The following CPLX4 variants were observed in gnomAD, a reference collection of about 807,000 sequenced individuals.
The protein encoded by CPLX4 is complexin-4.
A neutral mutation model predicts 16.1 loss-of-function variants in CPLX4; 17 were observed. That is an observed-to-expected ratio of 1.06 (90% confidence interval 0.72 to 1.59). The LOEUF is 1.59. Ranked by LOEUF, CPLX4 falls within the 40% of genes most tolerant of loss-of-function variation. The pLI is 0.00. For missense variants in CPLX4, 193 were observed against 192.9 expected, an observed-to-expected ratio of 1.00 and a Z score of 0.00; for synonymous variants, 55 against 57.8, an observed-to-expected ratio of 0.95 and a Z score of 0.22.
intron 1 of CPLX4, among the ~76,000 whole-genome samples, chr18:59,313,288 TA>T (rs1286417125): frequency 6.6e-6 from 1 of 152,186 alleles, no homozygotes; most frequent in African/African-American, 2.4e-5. Flanking sequence ...GGATATAATA[TA>T]AACCTGTCTC....
chr18:59,302,301 G>A (rs780920019), intron 2 of CPLX4, among the ~76,000 whole-genome samples: 38 of 152,228 alleles, frequency 2.5e-4, no homozygotes, highest in Non-Finnish European at 3.4e-4. Context: ...AGGAAAAGAA[G>A]TAATGCCTCA....
chr18:59,306,065 A>G (rs1361217565), intron 2 of CPLX4, among the ~76,000 whole-genome samples: 1 of 152,254 alleles, frequency 6.6e-6, no homozygotes, highest in East Asian at 1.9e-4. Context: ...ATCTGGAAGA[A>G]GAAGGTTTCA....
At chr18:59,304,924 A>AGTGTGT (rs56041280) in intron 2 of CPLX4, among the ~76,000 whole-genome samples, 721 of 142,226 alleles carry the variant, frequency 5.1e-3, no homozygotes, top group African/African-American at 8.6e-3. Context: ...CTCAACAATC[A>AGTGTGT]GTGTGTGTGT....
chr18:59,309,102 G>A (rs2070598531), intron 2 of CPLX4, among the ~76,000 whole-genome samples: 2 of 152,176 alleles, frequency 1.3e-5, no homozygotes, highest in Non-Finnish European at 2.9e-5. Flanking sequence ...CAGAGTAGCC[G>A]ATTTTTCTTA....
intron 1 of CPLX4, among the ~76,000 whole-genome samples, chr18:59,313,785 G>A (rs1191167915): frequency 6.6e-6 from 1 of 152,204 alleles, no homozygotes; most frequent in African/African-American, 2.4e-5. Flanking sequence ...AAGCAGCCAT[G>A]CCCAGATAGA....
At chr18:59,301,680 G>A (rs2070542537) in intron 2 of CPLX4, among the ~76,000 whole-genome samples, 1 of 152,200 alleles carries the variant, frequency 6.6e-6, no homozygotes, top group African/African-American at 2.4e-5. Context: ...CCTAGAACTG[G>A]CTAAGTATTC....
At chr18:59,309,865 A>G (rs1436890088) in intron 2 of CPLX4, among the ~76,000 whole-genome samples, 2 of 151,800 alleles carry the variant, frequency 1.3e-5, no homozygotes, top group Admixed American at 6.6e-5. Context: ...AAGAGTAGAA[A>G]GAACAAATGC....
intron 1 of CPLX4, among the ~76,000 whole-genome samples, chr18:59,316,444 C>G (rs1187461859): frequency 2.0e-5 from 3 of 152,082 alleles, no homozygotes; most frequent in Admixed American, 1.3e-4. Flanking sequence ...ATATACTAAA[C>G]TGTTTGTAGC....
intron 1 of CPLX4, among the ~76,000 whole-genome samples, chr18:59,314,426 G>C (rs568507703): frequency 6.6e-6 from 1 of 152,064 alleles, no homozygotes; most frequent in East Asian, 1.9e-4. Context: ...GCAGAAATCA[G>C]TAACATTTCC....
At chr18:59,306,242 T>C (rs1325465173) in intron 2 of CPLX4, among the ~76,000 whole-genome samples, 1 of 152,226 alleles carries the variant, frequency 6.6e-6, no homozygotes, top group East Asian at 1.9e-4. Flanking sequence ...TAATTAGTGG[T>C]GTGCGATCCA....
chr18:59,300,845 C>T (rs1439932595), intron 2 of CPLX4, among the ~76,000 whole-genome samples: 1 of 152,080 alleles, frequency 6.6e-6, no homozygotes, highest in Admixed American at 6.5e-5. Flanking sequence ...CTCCTACCTT[C>T]ACCCAAAGGC....
chr18:59,313,729 C>G (rs961863928), intron 1 of CPLX4, among the ~76,000 whole-genome samples: 21 of 152,184 alleles, frequency 1.4e-4, no homozygotes, highest in African/African-American at 5.1e-4. Flanking sequence ...TAGCCATTGG[C>G]TGTCATTTTC....
At chr18:59,316,238 T>C (rs1393859985) in intron 1 of CPLX4, among the ~76,000 whole-genome samples, 1 of 148,498 alleles carries the variant, frequency 6.7e-6, no homozygotes, top group East Asian at 2.0e-4. Context: ...TCAGTACTAA[T>C]GTTACCAGTG....
At chr18:59,303,800 T>C (rs1351534289) in intron 2 of CPLX4, among the ~76,000 whole-genome samples, 1 of 152,178 alleles carries the variant, frequency 6.6e-6, no homozygotes, top group Non-Finnish European at 1.5e-5. Context: ...CCTGTAGACA[T>C]GTAGTCCATT....
chr18:59,309,637 C>T (rs2070601832), intron 2 of CPLX4, among the ~76,000 whole-genome samples: 2 of 151,920 alleles, frequency 1.3e-5, no homozygotes, highest in Non-Finnish European at 1.5e-5. Context: ...TCCTGGTTAA[C>T]ACGGTGAAAC....
At chr18:59,316,979 A>G (rs894740738) in intron 1 of CPLX4, among the ~76,000 whole-genome samples, 4 of 152,156 alleles carry the variant, frequency 2.6e-5, no homozygotes, top group African/African-American at 9.6e-5. Flanking sequence ...AAAATCAGCC[A>G]ATATTCAAGG....
At chr18:59,307,337 G>A (rs995245875) in intron 2 of CPLX4, among the ~76,000 whole-genome samples, 3 of 152,196 alleles carry the variant, frequency 2.0e-5, no homozygotes, top group Non-Finnish European at 4.4e-5. Context: ...TGGTGTCGAG[G>A]AGCCAAAGTA....
intron 1 of CPLX4, among the ~76,000 whole-genome samples, chr18:59,316,820 A>G (rs942471348): frequency 6.6e-6 from 1 of 152,060 alleles, no homozygotes; most frequent in Non-Finnish European, 1.5e-5. Context: ...ATTAGGTGAT[A>G]TTTTGCATGC....
chr18:59,316,656 A>G (rs2070653295), intron 1 of CPLX4, among the ~76,000 whole-genome samples: 1 of 152,202 alleles, frequency 6.6e-6, no homozygotes, highest in Non-Finnish European at 1.5e-5. Flanking sequence ...ACACATATGC[A>G]AAAAGCTGAG....
Sources: gnomAD v4.1 joint callset for allele counts (sites outside exome capture counted in the v4.1 genomes callset) on GRCh38, gnomAD v4.1.1 for gene constraint, MANE v1.5 for transcripts, NCBI Gene and HGNC (gene_info 2026-07-23, HGNC 2026-07-21) for gene names.